The following ERC2 variants were observed in gnomAD, a reference collection of about 807,000 sequenced individuals.
The protein encoded by ERC2 is ERC protein 2.
In ERC2, 42 loss-of-function variants were observed where a neutral mutation model predicts 114.8. That is an observed-to-expected ratio of 0.37 (90% confidence interval 0.29 to 0.47). ERC2 has a LOEUF of 0.47. Among genes scored for constraint, ERC2 ranks in the 20% least tolerant of loss-of-function variants. ERC2 has a pLI of 0.99. For missense variants in ERC2, 939 were observed against 1,150.7 expected, an observed-to-expected ratio of 0.82 and a Z score of 2.66; for synonymous variants, 454 against 425.5, an observed-to-expected ratio of 1.07 and a Z score of -0.82.
intron 12 of ERC2, among the ~76,000 whole-genome samples, chr3:55,951,560 C>A (rs1026957811): frequency 6.6e-6 from 1 of 152,166 alleles, no homozygotes; most frequent in African/African-American, 2.4e-5. Context: ...AAACATTCCA[C>A]AGATTTAGGC....
At chr3:56,116,696 T>C (rs1236492165) in intron 6 of ERC2, among the ~76,000 whole-genome samples, 3 of 152,174 alleles carry the variant, frequency 2.0e-5, no homozygotes, top group Non-Finnish European at 4.4e-5. Context: ...CCATGCCTTC[T>C]TCTAGCCATT....
intron 4 of ERC2, 120 bp downstream of exon 4, chr3:56,173,326 G>A (rs2082783436): frequency 1.1e-6 from 1 of 898,118 alleles, no homozygotes; most frequent in African/African-American, 1.7e-5. Context: ...CAGAAGTAAA[G>A]CATCCAGCAG....
chr3:55,534,911 G>A (rs575058586), intron 17 of ERC2, among the ~76,000 whole-genome samples: 1 of 152,296 alleles, frequency 6.6e-6, no homozygotes, highest in African/African-American at 2.4e-5. Context: ...AAATGGCTGA[G>A]CATCATGGTC....
intron 14 of ERC2, among the ~76,000 whole-genome samples, chr3:55,827,090 G>T (rs1194443299): frequency 6.6e-6 from 1 of 152,158 alleles, no homozygotes; most frequent in Non-Finnish European, 1.5e-5. Flanking sequence ...AATTGTTCTG[G>T]ATTTATCTGT....
At chr3:55,835,669 A>AGG (rs2060842163) in intron 14 of ERC2, among the ~76,000 whole-genome samples, 1 of 152,260 alleles carries the variant, frequency 6.6e-6, no homozygotes, top group African/African-American at 2.4e-5. Flanking sequence ...AAAAACTGGA[A>AGG]GCATTCCCTT....
At chr3:55,701,543 A>G (rs932334890) in intron 15 of ERC2, among the ~76,000 whole-genome samples, 4 of 152,204 alleles carry the variant, frequency 2.6e-5, no homozygotes, top group African/African-American at 7.2e-5. Context: ...CCCAAAGTGA[A>G]TGTTAAAAAA....
chr3:56,227,091 C>G (rs2050295554), intron 3 of ERC2, among the ~76,000 whole-genome samples: 1 of 152,128 alleles, frequency 6.6e-6, no homozygotes, highest in African/African-American at 2.4e-5. Flanking sequence ...ACTGGCCCTG[C>G]TTGGATTCCA....
chr3:56,145,009 C>T (rs938787683), intron 5 of ERC2, among the ~76,000 whole-genome samples: 1 of 152,166 alleles, frequency 6.6e-6, no homozygotes, highest in African/African-American at 2.4e-5. Context: ...GGAATTACAT[C>T]ACATGCTTTA....
chr3:56,218,294 A>T (rs550208845), intron 3 of ERC2, among the ~76,000 whole-genome samples: 1 of 152,322 alleles, frequency 6.6e-6, no homozygotes, highest in African/African-American at 2.4e-5. Context: ...AATTTACAAG[A>T]AAAAAACAAA....
In ERC2 at chr3:56,104,198, A is replaced by T. The variant is rs889477137; in HGVS notation, c.1474-23214T>A. ...ATCTTTGCCCAGAAAAAAAAAAATC[A>T]TTATTTGCTCCAGGAAATTCCCATT... On this transcript the variant is annotated intron_variant, in intron 6 of 17. Transcript: ENST00000288221. Among the ~76,000 whole-genome samples the T allele has an allele frequency of 2.0e-5, 3 of 152,068 alleles. No homozygotes were observed. The South Asian group carries it at 6.2e-4, about 32-fold the overall frequency.
chr3:55,599,915 T>C (rs1163015769), intron 17 of ERC2, among the ~76,000 whole-genome samples: 1 of 152,148 alleles, frequency 6.6e-6, no homozygotes, highest in East Asian at 1.9e-4. Context: ...ACAAATCATA[T>C]CGCTCTCTGG....
rs1490523971 is a variant in ERC2 at position 56,139,665 on chromosome 3, C to T, written c.1317G>A (p.Leu439=). 6.2e-7 allele frequency: 1 copy of T among 1,600,990 alleles called. No individual in the cohort carries two copies. The highest frequency in any genetic ancestry group is 1.7e-5 in the Admixed American group (1 of 58,014). Reference sequence around the variant, plus strand: ...ACTCTTTCTTTGAAAGTTCCTGCTTCAGCTGATCAATCTGCAAAACAACAA... The same window carrying T: ...ACTCTTTCTTTGAAAGTTCCTGCTTTAGCTGATCAATCTGCAAAACAACAA... ...SKFMKTKIDQ[L]KQELSKKESE... Residue 439 remains leucine, a synonymous_variant, in exon 6 of 18, where the codon CTG becomes CTA. Transcript: ENST00000288221.
chr3:56,340,226 C>G (rs1382875466), intron 2 of ERC2, among the ~76,000 whole-genome samples: 1 of 152,096 alleles, frequency 6.6e-6, no homozygotes, highest in African/African-American at 2.4e-5. Flanking sequence ...CTGATAAGGA[C>G]AGCATTAAAT....
At chr3:56,178,198 A>G (rs1262357824) in intron 3 of ERC2, among the ~76,000 whole-genome samples, 1 of 152,222 alleles carries the variant, frequency 6.6e-6, no homozygotes, top group Non-Finnish European at 1.5e-5. Context: ...AACCTGTCAG[A>G]ATAATGTTCA....
intron 2 of ERC2, among the ~76,000 whole-genome samples, chr3:56,383,452 T>C (rs1212341092): frequency 1.3e-5 from 2 of 152,218 alleles, no homozygotes; most frequent in African/African-American, 4.8e-5. Flanking sequence ...ATTGTCTGTA[T>C]GCTCCACTAG....
intron 3 of ERC2, among the ~76,000 whole-genome samples, chr3:56,206,206 C>CACAT (rs373335120): frequency 0.13 from 8,725 of 66,042 alleles, 309 homozygotes; most frequent in Non-Finnish European, 0.2. Context: ...CACACATACA[C>CACAT]ACACACACAC....
intron 17 of ERC2, among the ~76,000 whole-genome samples, chr3:55,648,061 G>A (rs1449408014): frequency 2.0e-5 from 3 of 152,210 alleles, no homozygotes; most frequent in Non-Finnish European, 4.4e-5. Context: ...ATAAGAAGGA[G>A]GCAGGGCCAG....
intron 2 of ERC2, among the ~76,000 whole-genome samples, chr3:56,322,981 G>A (rs1030443473): frequency 2.0e-5 from 3 of 152,180 alleles, no homozygotes; most frequent in East Asian, 1.9e-4. Context: ...TCCCACTCTC[G>A]CAGGACTATA....
chr3:55,968,920 C>T (rs1483285334), intron 12 of ERC2, among the ~76,000 whole-genome samples: 1 of 151,984 alleles, frequency 6.6e-6, no homozygotes, highest in Admixed American at 6.5e-5. Flanking sequence ...AAAAAACATG[C>T]CCATTCCCCT....
Sources: allele counts gnomAD v4.1 joint callset (sites outside exome capture counted in the v4.1 genomes callset), GRCh38; gene constraint gnomAD v4.1.1; transcripts MANE v1.5; gene names NCBI Gene and HGNC (gene_info 2026-07-23, HGNC 2026-07-21).